NALF1: variants seen among roughly 807,000 people sequenced by gnomAD.
The protein encoded by NALF1 is family with sequence similarity 155 member A.
In NALF1, 3 loss-of-function variants were observed where a neutral mutation model predicts 48.4. That is an observed-to-expected ratio of 0.06 (90% CI 0.03 to 0.16). NALF1 has a LOEUF of 0.16. Among genes scored for constraint, NALF1 ranks in the 10% least tolerant of loss-of-function variants. The probability of loss-of-function intolerance (pLI) is 1.00; values close to 1 mark genes in which losing one functional copy is unlikely to be tolerated. For synonymous variants in NALF1, 262 were observed against 245.7 expected, an observed-to-expected ratio of 1.07 and a Z score of -0.62; for missense variants, 526 against 571.5, an observed-to-expected ratio of 0.92 and a Z score of 0.81.
intron 2 of NALF1, among the ~76,000 whole-genome samples, chr13:107,193,314 T>C (rs1879321109): frequency 6.6e-6 from 1 of 152,200 alleles, no homozygotes; most frequent in Non-Finnish European, 1.5e-5. Context: ...CGTTTTTTAC[T>C]GTCTAGAATA....
intron 1 of NALF1, chr13:107,466,732 T>G (rs1246150183): frequency 1.3e-5 from 2 of 152,208 alleles, no homozygotes; most frequent in Non-Finnish European, 2.9e-5. Context: ...AGAAGCACAT[T>G]TCTTGAAATA....
At chr13:107,390,116 TC>T (rs2138982077) in intron 1 of NALF1, among the ~76,000 whole-genome samples, 1 of 152,228 alleles carries the variant, frequency 6.6e-6, no homozygotes, top group African/African-American at 2.4e-5. Flanking sequence ...ACACCTGTAA[TC>T]CCAACAATTT....
chr13:107,590,639 T>A (rs945270590), intron 1 of NALF1, among the ~76,000 whole-genome samples: 1 of 152,024 alleles, frequency 6.6e-6, no homozygotes, highest in Admixed American at 6.6e-5. Context: ...ACAAGTCTCA[T>A]CCTTTTCTAA....
At chr13:107,253,462 C>T (rs1223947361) in intron 1 of NALF1, among the ~76,000 whole-genome samples, 1 of 152,162 alleles carries the variant, frequency 6.6e-6, no homozygotes, top group Non-Finnish European at 1.5e-5. Context: ...CAGAAGGCCA[C>T]CTTGCTCCCT....
At position 107,839,179 on chromosome 13, in the gene NALF1, G is replaced by T. The variant is rs887490193; in HGVS notation, c.915+26503C>A. Among the ~76,000 whole-genome samples, 3 of 151,850 alleles carry T rather than the reference G, an allele frequency of 2.0e-5. No homozygotes were observed. In the South Asian group the frequency reaches 6.2e-4, roughly 32 times the overall value. ...ATTTAGTTGGCCTACCGAGTTTAGT[G>T]CTTAGTTTAATTCTAATGAATGCCA... On this transcript the variant is annotated intron_variant, in intron 1 of 2. Transcript: ENST00000375915.
chr13:107,572,410 G>A (rs959155043), intron 1 of NALF1, among the ~76,000 whole-genome samples: 18 of 152,146 alleles, frequency 1.2e-4, no homozygotes, highest in Non-Finnish European at 2.5e-4. Flanking sequence ...GTAATGCAAT[G>A]CACTGGGTGG....
At chr13:107,553,821 T>C (rs1468694609) in intron 1 of NALF1, among the ~76,000 whole-genome samples, 2 of 152,188 alleles carry the variant, frequency 1.3e-5, no homozygotes, top group African/African-American at 2.4e-5. Context: ...AGAGGAGCAA[T>C]TGCGCTTCCT....
chr13:107,841,429 G>C (rs1459307646), intron 1 of NALF1, among the ~76,000 whole-genome samples: 3 of 152,064 alleles, frequency 2.0e-5, no homozygotes. Flanking sequence ...CTCTTCAAGG[G>C]TATTTTGCTT....
intron 1 of NALF1, among the ~76,000 whole-genome samples, chr13:107,520,758 C>A (rs1876210720): frequency 6.6e-6 from 1 of 152,164 alleles, no homozygotes; most frequent in Admixed American, 6.5e-5. Context: ...GCATCACCAT[C>A]CACTAAATGC....
chr13:107,227,082 G>A (rs947336314), intron 1 of NALF1, among the ~76,000 whole-genome samples: 1 of 152,056 alleles, frequency 6.6e-6, no homozygotes, highest in African/African-American at 2.4e-5. Context: ...TGAGCAATTC[G>A]GCACACCATC....
chr13:107,676,847 A>G (rs1881141385), intron 1 of NALF1, among the ~76,000 whole-genome samples: 1 of 152,164 alleles, frequency 6.6e-6, no homozygotes, highest in South Asian at 2.1e-4. Flanking sequence ...TAAAAATCAT[A>G]TAAATCATCT....
chr13:107,518,822 A>G (rs1274741983), intron 1 of NALF1, among the ~76,000 whole-genome samples: 2 of 152,190 alleles, frequency 1.3e-5, no homozygotes, highest in African/African-American at 4.8e-5. Flanking sequence ...TCATGGTCAT[A>G]TATTTGGAAA....
chr13:107,328,810 A>C (rs2138921765), intron 1 of NALF1, among the ~76,000 whole-genome samples: 1 of 152,330 alleles, frequency 6.6e-6, no homozygotes, highest in South Asian at 2.1e-4. Context: ...TCAACCACAG[A>C]GTGGTGGCCA....
At chr13:107,818,325 T>C (rs1294263974) in intron 1 of NALF1, among the ~76,000 whole-genome samples, 1 of 152,148 alleles carries the variant, frequency 6.6e-6, no homozygotes, top group Non-Finnish European at 1.5e-5. Flanking sequence ...AAGTTCTCTC[T>C]GAGTGCCAAA....
At chr13:107,617,757 A>G (rs1487648959) in intron 1 of NALF1, among the ~76,000 whole-genome samples, 1 of 152,084 alleles carries the variant, frequency 6.6e-6, no homozygotes, top group African/African-American at 2.4e-5. Flanking sequence ...AGTGCTGACA[A>G]TTTTTCCATT....
chr13:107,561,059 T>G (rs555087702), intron 1 of NALF1, among the ~76,000 whole-genome samples: 4 of 152,370 alleles, frequency 2.6e-5, no homozygotes, highest in African/African-American at 9.6e-5. Context: ...TGTCAGTATT[T>G]GTTTCTCTGA....
intron 1 of NALF1, among the ~76,000 whole-genome samples, chr13:107,305,274 C>G (rs931587518): frequency 2.0e-5 from 3 of 152,156 alleles, no homozygotes; most frequent in Non-Finnish European, 4.4e-5. Flanking sequence ...AAGAAAACCA[C>G]ATAATAAGTC....
At chr13:107,572,497 A>C (rs1361010023) in intron 1 of NALF1, among the ~76,000 whole-genome samples, 1 of 152,208 alleles carries the variant, frequency 6.6e-6, no homozygotes, top group Non-Finnish European at 1.5e-5. Context: ...AAATGGTGGC[A>C]GTCTGTCTGT....
At chr13:107,689,585 G>C (rs1269774292) in intron 1 of NALF1, among the ~76,000 whole-genome samples, 1 of 152,024 alleles carries the variant, frequency 6.6e-6, no homozygotes, top group East Asian at 1.9e-4. Flanking sequence ...TAATAATATT[G>C]AAATACTTAA....
Sources: gnomAD v4.1 joint callset for allele counts (sites outside exome capture counted in the v4.1 genomes callset) on GRCh38, gnomAD v4.1.1 for gene constraint, MANE v1.5 for transcripts, NCBI Gene and HGNC (gene_info 2026-07-23, HGNC 2026-07-21) for gene names.